The following TBC1D9 variants were observed in gnomAD, a reference collection of about 807,000 sequenced individuals.
The protein encoded by TBC1D9 is TBC1 domain family member 9, also known as TBC1 domain family member 9A.
A neutral mutation model predicts 132.0 loss-of-function variants in TBC1D9; 63 were observed. The observed-to-expected ratio is 0.48, with a 90% confidence interval of 0.39 to 0.59. TBC1D9 has a LOEUF of 0.59. Among genes scored for constraint, TBC1D9 ranks in the 20% least tolerant of loss-of-function variants. The pLI is 0.00. For missense variants in TBC1D9, 1,261 were observed against 1,592.7 expected, an observed-to-expected ratio of 0.79 and a Z score of 3.54; for synonymous variants, 610 against 609.9, an observed-to-expected ratio of 1.00 and a Z score of 0.00.
intron 13 of TBC1D9, chr4:140,643,518 T>C: frequency 2.3e-6 from 2 of 881,606 alleles, no homozygotes; most frequent in Non-Finnish European, 3.7e-6. Flanking sequence ...TCTCGGGCAC[T>C]CTCCCTCCCC....
rs757892765 is a variant in TBC1D9 at position 140,634,188 on chromosome 4, C to A, written c.2506G>T (p.Ala836Ser). ...CAGTAGCAGCTGGTGAGATGTTCTG[C>A]CTGAAAAAGAATGGATGATCACTGG... Reference protein sequence around the residue: ...ELEELYALFKAEHLTSCYWGG... With the variant: ...ELEELYALFKSEHLTSCYWGG... Residue 836 changes from alanine (A) to serine (S), a missense_variant and splice_region_variant, in exon 16 of 21, where the codon GCA (alanine) becomes TCA (serine). Ala to Ser is a moderately conservative substitution (Grantham distance 99). Around this residue, in one of 3 missense-constraint regions of TBC1D9, gnomAD observed 618 missense variants for 724.4 expected, o/e 0.85. Transcript: ENST00000442267. 10 of 1,611,732 alleles carry A rather than the reference C, an allele frequency of 6.2e-6. No homozygotes were observed. In the South Asian group the frequency reaches 9.9e-5, roughly 16 times the overall value.
intron 2 of TBC1D9, among the ~76,000 whole-genome samples, chr4:140,701,195 A>T (rs1306184682): frequency 6.6e-6 from 1 of 152,182 alleles, no homozygotes; most frequent in Non-Finnish European, 1.5e-5. Flanking sequence ...AAGGAAGTTA[A>T]ACACAGATGT....
rs1738944709 is a variant in TBC1D9, at chr4:140,752,715, C to T, written c.130+3201G>A. Among the ~76,000 whole-genome samples, 3 of 152,148 alleles carry T rather than the reference C, an allele frequency of 2.0e-5. No individual in the cohort carries two copies. The South Asian group carries it at 6.2e-4, about 32-fold the overall frequency. ...GCATCCACAATGGAAGACTTCATTG[C>T]ACCAATGCCTATACATATTGCTTGG... On this transcript the variant is annotated intron_variant, in intron 1 of 20. Coordinates refer to ENST00000442267, the MANE Select transcript of TBC1D9 (RefSeq NM_015130.3).
chr4:140,738,864 A>T (rs1044658574), intron 1 of TBC1D9, among the ~76,000 whole-genome samples: 3 of 152,166 alleles, frequency 2.0e-5, no homozygotes, highest in Non-Finnish European at 4.4e-5. Context: ...AAATCCACAT[A>T]GTTTTCACAC....
chr4:140,721,431 A>G (rs1738422322), intron 1 of TBC1D9, among the ~76,000 whole-genome samples: 1 of 152,190 alleles, frequency 6.6e-6, no homozygotes, highest in African/African-American at 2.4e-5. Context: ...GCATGCAGCT[A>G]CCAGGTGGCA....
intron 1 of TBC1D9, among the ~76,000 whole-genome samples, chr4:140,728,579 C>T (rs1738535766): frequency 6.6e-6 from 1 of 151,712 alleles, no homozygotes; most frequent in Non-Finnish European, 1.5e-5. Context: ...CTGAAACCTT[C>T]ACCTCCTGGG....
intron 9 of TBC1D9, among the ~76,000 whole-genome samples, chr4:140,663,928 T>A (rs1737403540): frequency 6.6e-6 from 1 of 151,722 alleles, no homozygotes. Flanking sequence ...GGTATAGAGC[T>A]TCAGTTATAA....
At chr4:140,642,751 A>G (rs1737025095) in intron 13 of TBC1D9, 1 of 648,110 alleles carries the variant, frequency 1.5e-6, no homozygotes, top group Non-Finnish European at 2.7e-6. Context: ...CTCCCAGCTC[A>G]TAGTCATCTG....
chr4:140,732,205 T>C (rs1738604707), intron 1 of TBC1D9, among the ~76,000 whole-genome samples: 1 of 152,114 alleles, frequency 6.6e-6, no homozygotes, highest in Non-Finnish European at 1.5e-5. Context: ...TAATATGCAG[T>C]GGTTTTAATT....
At chr4:140,679,526 T>C in intron 4 of TBC1D9, 89 bp downstream of exon 4, 3 of 918,044 alleles carry the variant, frequency 3.3e-6, no homozygotes, top group Non-Finnish European at 3.3e-6. Flanking sequence ...ACTATAGATT[T>C]ATTTCTGATA....
At chr4:140,755,802 G>C in intron 1 of TBC1D9, 114 bp downstream of exon 1, 1 of 1,364,512 alleles carries the variant, frequency 7.3e-7, no homozygotes, top group Non-Finnish European at 9.4e-7. Flanking sequence ...GAGGCAGGGC[G>C]GGTCGCCCAG....
At chr4:140,696,184 G>A (rs989131034) in intron 2 of TBC1D9, among the ~76,000 whole-genome samples, 1 of 66,352 alleles carries the variant, frequency 1.5e-5, no homozygotes. Flanking sequence ...CGGGCCAGGC[G>A]TGATGGCTCA....
chr4:140,715,626 T>A (rs1332014143), intron 1 of TBC1D9, among the ~76,000 whole-genome samples: 2 of 152,202 alleles, frequency 1.3e-5, no homozygotes, highest in Non-Finnish European at 2.9e-5. Flanking sequence ...CAGTCTTGCA[T>A]CCAAATATTC....
chr4:140,715,532 T>C (rs1738321304), intron 1 of TBC1D9, among the ~76,000 whole-genome samples: 1 of 152,214 alleles, frequency 6.6e-6, no homozygotes, highest in South Asian at 2.1e-4. Flanking sequence ...TCCATCTGGA[T>C]AGGCTCTTTG....
intron 13 of TBC1D9, chr4:140,643,384 G>T: frequency 1.7e-6 from 2 of 1,199,174 alleles, no homozygotes; most frequent in Non-Finnish European, 2.4e-6. Context: ...CTGGCCTGGG[G>T]CAGCTCCATG....
intron 1 of TBC1D9, among the ~76,000 whole-genome samples, chr4:140,752,416 T>C (rs1738940338): frequency 6.6e-6 from 1 of 152,060 alleles, no homozygotes. Flanking sequence ...TTGGAAAAAC[T>C]ACAAAGAAAA....
intron 15 of TBC1D9, among the ~76,000 whole-genome samples, chr4:140,636,257 C>T (rs1207837786): frequency 6.6e-6 from 1 of 152,184 alleles, no homozygotes; most frequent in African/African-American, 2.4e-5. Flanking sequence ...CCACATTTTC[C>T]ATGAAATCTG....
At chr4:140,641,858 C>G (rs10033976) in intron 13 of TBC1D9, 60 of 339,112 alleles carry the variant, frequency 1.8e-4, no homozygotes, top group African/African-American at 1.2e-3. Flanking sequence ...CTCCTCACCC[C>G]CCATCTCTCC....
intron 6 of TBC1D9, among the ~76,000 whole-genome samples, chr4:140,672,551 C>A (rs1737554729): frequency 6.6e-6 from 1 of 152,076 alleles, no homozygotes; most frequent in African/African-American, 2.4e-5. Flanking sequence ...GTCTAAAACG[C>A]AGTTAGCTAT....
Sources: gnomAD v4.1 joint callset for allele counts (sites outside exome capture counted in the v4.1 genomes callset) on GRCh38, gnomAD v4.1.1 for gene constraint, gnomAD v4.1.1 regional missense constraint, MANE v1.5 for transcripts, NCBI Gene and HGNC (gene_info 2026-07-23, HGNC 2026-07-21) for gene names.